Variants in P4HB observed in about 807,000 individuals in gnomAD.
P4HB encodes the protein protein disulfide-isomerase.
A neutral mutation model predicts 52.6 loss-of-function variants in P4HB; 20 were observed. The ratio of observed to expected loss-of-function variants is 0.38; its 90% CI spans 0.27 to 0.55. The LOEUF (loss-of-function observed/expected upper bound fraction) is 0.55, where lower values mean the gene tolerates loss of function less well. Among genes scored for constraint, P4HB ranks in the 20% least tolerant of loss-of-function variants. The pLI is 0.74. For missense variants in P4HB, 601 were observed against 669.2 expected, an observed-to-expected ratio of 0.90 and a Z score of 1.12; for synonymous variants, 296 against 277.9, an observed-to-expected ratio of 1.07 and a Z score of -0.65.
intron 4 of P4HB, among the ~76,000 whole-genome samples, chr17:81,852,116 G>A (rs188456259): frequency 2.6e-5 from 4 of 152,304 alleles, no homozygotes; most frequent in East Asian, 1.9e-4. Context: ...CCAGGAGGTC[G>A]AAGCTGCAGT....
In P4HB at chr17:81,843,688, C is replaced by A; in HGVS notation, c.*324G>T. ...TTTCAAAAAGAGGAGAAACCTCCCG[C>A]GGGAGGGAGGCAGCGAGACTCCGAA... is the stretch of plus-strand genomic sequence containing the variant. On this transcript the variant is annotated 3_prime_UTR_variant, in exon 11 of 11. Coordinates refer to ENST00000331483, the MANE Select transcript of P4HB (RefSeq NM_000918.4). 4.6e-6 allele frequency: 2 copies of A among 432,178 alleles called. No individual in the cohort carries two copies. The highest frequency in any genetic ancestry group is 8.2e-6 in the Non-Finnish European group (2 of 245,062). The allele number at this position is 432,178 out of a possible 1,614,324, so 26.8% of individuals were successfully genotyped here. A position where few individuals can be genotyped will look rare whatever the true frequency, so the allele number is the denominator to read the frequency against.
chr17:81,844,038 G>A lies in P4HB; in HGVS notation c.1501C>T (p.Gln501Ter). 6.2e-7 allele frequency: 1 copy of A among 1,613,780 alleles called. No homozygotes were observed. Among genetic ancestry groups the A allele is most frequent in the Non-Finnish European group, 8.5e-7 (1 of 1,179,696 alleles). The change falls in exon 11 of 11, where the codon CAG becomes TAG. Residue 501 changes from glutamine (Q) to a stop codon, truncating the protein, a stop_gained. Transcript: ENST00000331483. LOFTEE classifies it high-confidence loss of function. ...EEPDMEEDDD[Q>*]KAVKDEL ...TACAGTTCATCTTTCACAGCTTTCTGATCATCGTCTTCCTCCATGTCTGGC... is the reference window on the plus strand; with the variant it reads ...TACAGTTCATCTTTCACAGCTTTCTAATCATCGTCTTCCTCCATGTCTGGC...
Position 81,855,638 on chromosome 17 carries a change from C to T in P4HB, c.353-52G>A, listed in dbSNP as rs1045762424. ...CTCTCAAACAGGGAGTGCCGCCTGC[C>T]CTGCCGCGCCTGCTCCCGTCTCTGC... On this transcript the variant is annotated intron_variant, in intron 2 of 10. Coordinates refer to ENST00000331483, the MANE Select transcript of P4HB (RefSeq NM_000918.4). This position sits in a 1 kb window ranked among gnomAD's most constrained non-coding sequence, Gnocchi z 4.3. The T allele has an allele frequency of 1.3e-6, 2 of 1,574,214 alleles. No individual in the cohort carries two copies. The highest frequency in any genetic ancestry group is 1.7e-6 in the Non-Finnish European group (2 of 1,157,278).
intron 2 of P4HB, among the ~76,000 whole-genome samples, chr17:81,858,657 G>GA (rs1454744387): frequency 6.6e-6 from 1 of 152,212 alleles, no homozygotes; most frequent in Non-Finnish European, 1.5e-5. Flanking sequence ...GGCGGGCTTG[G>GA]ATTCGAGGTC....
chr17:81,854,119 C>A (rs887591417), intron 4 of P4HB, among the ~76,000 whole-genome samples: 1 of 152,246 alleles, frequency 6.6e-6, no homozygotes, highest in Non-Finnish European at 1.5e-5. Flanking sequence ...GAGGGGCATA[C>A]GAAGTGTGGG....
At chr17:81,854,027 G>A (rs959677006) in intron 4 of P4HB, among the ~76,000 whole-genome samples, 7 of 152,236 alleles carry the variant, frequency 4.6e-5, no homozygotes, top group African/African-American at 1.7e-4. Flanking sequence ...CTGTCCAGGA[G>A]CCCTTCCCCA....
chr17:81,851,741 G>A (rs1372838459), intron 4 of P4HB, among the ~76,000 whole-genome samples: 1 of 152,204 alleles, frequency 6.6e-6, no homozygotes, highest in South Asian at 2.1e-4. Context: ...AGACACTGCC[G>A]CAGCTGTCCC....
chr17:81,846,067 C>T lies in P4HB; in HGVS notation c.1057-76G>A, dbSNP rs576163131. 2.8e-5 allele frequency: 42 copies of T among 1,477,934 alleles called. No individual in the cohort carries two copies. The highest frequency in any genetic ancestry group is 2.3e-4 in the Middle Eastern group (1 of 4,408). The allele number at this position is 1,477,934 out of a possible 1,614,324, so 91.6% of individuals were successfully genotyped here. A position where few individuals can be genotyped will look rare whatever the true frequency, so the allele number is the denominator to read the frequency against. On this transcript the variant is annotated intron_variant, in intron 7 of 10. Transcript: ENST00000331483. This position sits in a 1 kb window ranked among gnomAD's most constrained non-coding sequence, Gnocchi z 5.7. ...AGAGCTCCCCAACCCTCACCCTGCC[C>T]GGGACTGAGGTGCGTGGCTGCCCTG...
In P4HB at chr17:81,843,929, G is replaced by C. The variant is rs202217417; in HGVS notation, c.*83C>G. On this transcript the variant is annotated 3_prime_UTR_variant, in exon 11 of 11. Transcript: ENST00000331483. ...CCGGCGACGCCCTCCTTCAAGCGAG[G>C]CCGCAGGCTTCGGAGGCGTGCGCTG... 3.8e-4 allele frequency: 388 copies of C among 1,017,224 alleles called. 2 individuals carry two copies. In the African/African-American group the frequency reaches 5.2e-3, roughly 14 times the overall value. 63.0% of individuals were successfully genotyped at this position (1,017,224 alleles called of 1,614,324 possible). A position where few individuals can be genotyped will look rare whatever the true frequency, so the allele number is the denominator to read the frequency against.
chr17:81,854,717 C>G (rs2038886131), intron 4 of P4HB, among the ~76,000 whole-genome samples: 1 of 151,868 alleles, frequency 6.6e-6, no homozygotes, highest in African/African-American at 2.4e-5. Flanking sequence ...TAGTGCATGC[C>G]TGTAGTCCCA....
chr17:81,846,524 C>T lies in P4HB; in HGVS notation c.961G>A (p.Glu321Lys). 1.2e-6 allele frequency: 2 copies of T among 1,613,970 alleles called. No individual in the cohort carries two copies. Among genetic ancestry groups the T allele is most frequent in the South Asian group, 1.1e-5 (1 of 91,080 alleles). ...GGCTTGTACTTGGTCATCTCCTCCTCCAGGGTGATGAGGCGCACGGCCGGG... is the reference window on the plus strand; with the variant it reads ...GGCTTGTACTTGGTCATCTCCTCCTTCAGGGTGATGAGGCGCACGGCCGGG... Reference protein sequence around the residue: ...ECPAVRLITLEEEMTKYKPES... With the variant: ...ECPAVRLITLKEEMTKYKPES... The change falls in exon 7 of 11, where the codon GAG becomes AAG. Residue 321 changes from glutamate (E) to lysine (K), a missense_variant. Physicochemically the swap from Glu to Lys is moderately conservative, Grantham distance 56. Transcript: ENST00000331483. The surrounding 1 kb of genome is among the most constrained non-coding windows in gnomAD (Gnocchi z 5.7).
chr17:81,843,926 G>A lies in P4HB; in HGVS notation c.*86C>T, dbSNP rs1000637508. ...TTTCCGGCGACGCCCTCCTTCAAGC[G>A]AGGCCGCAGGCTTCGGAGGCGTGCG... On this transcript the variant is annotated 3_prime_UTR_variant, in exon 11 of 11. Coordinates refer to ENST00000331483, the MANE Select transcript of P4HB (RefSeq NM_000918.4). 50 of 992,318 alleles carry A rather than the reference G, an allele frequency of 5.0e-5. No individual in the cohort carries two copies. Among genetic ancestry groups the A allele is most frequent in the African/African-American group, 1.6e-5 (1 of 62,678 alleles). The allele number at this position is 992,318 out of a possible 1,614,324, so 61.5% of individuals were successfully genotyped here. A position where few individuals can be genotyped will look rare whatever the true frequency, so the allele number is the denominator to read the frequency against.
chr17:81,845,607 T>C lies in P4HB; in HGVS notation c.1313A>G (p.His438Arg), dbSNP rs2038722654. 1 of 1,612,504 alleles carries C rather than the reference T, an allele frequency of 6.2e-7. No homozygotes were observed. Among genetic ancestry groups the C allele is most frequent in the Non-Finnish European group, 8.5e-7 (1 of 1,178,936 alleles). Residue 438 changes from histidine to arginine, a missense_variant, in exon 9 of 11, where the codon CAC becomes CGC. His to Arg is a conservative substitution (Grantham distance 29). Transcript: ENST00000331483. ...TANEVEAVKV[H>R]SFPTLKFFPA... ...AAAGAACTTGAGTGTGGGGAAGCTG[T>C]GCACTTTGACGGCCTCCACCTCGTT...
intron 4 of P4HB, among the ~76,000 whole-genome samples, chr17:81,849,862 T>C (rs1288281052): frequency 6.6e-6 from 1 of 152,188 alleles, no homozygotes; most frequent in Admixed American, 6.5e-5. Flanking sequence ...AGTTTTGCTA[T>C]TGTCACCCAG....
At chr17:81,857,582 C>T (rs575726898) in intron 2 of P4HB, among the ~76,000 whole-genome samples, 4 of 152,218 alleles carry the variant, frequency 2.6e-5, no homozygotes, top group Non-Finnish European at 5.9e-5. Context: ...TTTTCTACCT[C>T]TGGGAACAGG....
At chr17:81,858,260 A>C (rs1598272275) in intron 2 of P4HB, among the ~76,000 whole-genome samples, 1 of 128,934 alleles carries the variant, frequency 7.8e-6, no homozygotes, top group East Asian at 1.9e-4. Flanking sequence ...ACTGTCTCAA[A>C]AAAAAAAAAA....
In P4HB at chr17:81,846,755, C is replaced by A. The variant is rs1190328242; in HGVS notation, c.856-126G>T. 2.2e-5 allele frequency: 27 copies of A among 1,221,978 alleles called. No individual in the cohort carries two copies. Among genetic ancestry groups the A allele is most frequent in the Middle Eastern group, 5.0e-4 (2 of 4,004 alleles). 75.7% of individuals were successfully genotyped at this position (1,221,978 alleles called of 1,614,324 possible). A position where few individuals can be genotyped will look rare whatever the true frequency, so the allele number is the denominator to read the frequency against. ...CTCCAACCTGGATTCCGGGGTTGCCCAACCAGACCAGCAGGTGACTGGGAG... is the reference window on the plus strand; with the variant it reads ...CTCCAACCTGGATTCCGGGGTTGCCAAACCAGACCAGCAGGTGACTGGGAG... On this transcript the variant is annotated intron_variant, in intron 6 of 10. Coordinates refer to ENST00000331483, the MANE Select transcript of P4HB (RefSeq NM_000918.4). The surrounding 1 kb of genome is among the most constrained non-coding windows in gnomAD (Gnocchi z 5.7).
At position 81,860,393 on chromosome 17, in the gene P4HB, G is replaced by A. The variant is rs1392892646; in HGVS notation, c.79C>T (p.Leu27=). 2 of 1,465,066 alleles carry A rather than the reference G, an allele frequency of 1.4e-6. No individual in the cohort carries two copies. Among genetic ancestry groups the A allele is most frequent in the African/African-American group, 1.5e-5 (1 of 67,932 alleles). The allele number at this position is 1,465,066 out of a possible 1,614,324, so 90.8% of individuals were successfully genotyped here. A position where few individuals can be genotyped will look rare whatever the true frequency, so the allele number is the denominator to read the frequency against. ...ADAPEEEDHV[L]VLRKSNFAEA... The stretch of plus-strand genomic sequence containing the variant: ...GCGAAGTTGCTTTTCCGCAGCACCA[G>A]GACGTGGTCCTCCTCCTCGGGGGCG... Residue 27 remains leucine, a synonymous_variant, in exon 1 of 11, where the codon CTG becomes TTG. Coordinates refer to ENST00000331483, the MANE Select transcript of P4HB (RefSeq NM_000918.4).
Position 81,846,760 on chromosome 17 carries a change from A to G in P4HB, c.856-131T>C. 5 of 1,218,168 alleles carry G rather than the reference A, an allele frequency of 4.1e-6. No homozygotes were observed. The South Asian group carries it at 6.6e-5, about 16-fold the overall frequency. The allele number at this position is 1,218,168 out of a possible 1,614,324, so 75.5% of individuals were successfully genotyped here. ...ACCTGGATTCCGGGGTTGCCCAACC[A>G]GACCAGCAGGTGACTGGGAGCAGAG... On this transcript the variant is annotated intron_variant, in intron 6 of 10. Transcript: ENST00000331483. The surrounding 1 kb of genome is among the most constrained non-coding windows in gnomAD (Gnocchi z 5.7).
Sources: gnomAD v4.1 joint callset for allele counts (sites outside exome capture counted in the v4.1 genomes callset) on GRCh38, gnomAD v4.1.1 for gene constraint, Gnocchi (gnomAD v3.1) non-coding constraint, MANE v1.5 for transcripts, NCBI Gene and HGNC (gene_info 2026-07-23, HGNC 2026-07-21) for gene names.